SPATA9: variants seen among roughly 807,000 people sequenced by gnomAD.
SPATA9 encodes the protein spermatogenesis associated 9.
In SPATA9, 27 loss-of-function variants were observed where a neutral mutation model predicts 25.5. The ratio of observed to expected loss-of-function variants is 1.06; its 90% CI spans 0.78 to 1.46. The LOEUF (loss-of-function observed/expected upper bound fraction) is 1.46, where lower values mean the gene tolerates loss of function less well. Among genes scored for constraint, SPATA9 ranks in the 40% most tolerant of loss-of-function variants. The pLI, the probability that SPATA9 is intolerant of heterozygous loss-of-function variation, is 0.00. For synonymous variants in SPATA9, 102 were observed against 105.7 expected (o/e 0.97, Z 0.21); for missense variants, 282 against 297.5 (o/e 0.95, Z 0.38).
the SPATA9 span, among the ~76,000 whole-genome samples, chr5:95,708,051 T>C: frequency 6.7e-6 from 1 of 149,292 alleles, no homozygotes; most frequent in East Asian, 2.1e-4. Flanking sequence ...GTTAATAGTA[T>C]GATGAGGAGA....
the SPATA9 span, among the ~76,000 whole-genome samples, chr5:95,721,768 C>T: frequency 6.1e-5 from 9 of 146,662 alleles, no homozygotes; most frequent in African/African-American, 2.3e-4. Context: ...AGAGAGTAAT[C>T]AGCAGGAAAA....
chr5:95,703,927 G>A, the SPATA9 span, among the ~76,000 whole-genome samples: 2 of 151,972 alleles, frequency 1.3e-5, no homozygotes, highest in Non-Finnish European at 2.9e-5. Flanking sequence ...CAATAGAAAT[G>A]GACTTTTTCA....
intron 3 of SPATA9, chr5:95,670,800 T>C: frequency 2.1e-6 from 2 of 972,896 alleles, no homozygotes; most frequent in Non-Finnish European, 2.4e-6. Context: ...TCCATTGACC[T>C]CTGCCACATC....
chr5:95,652,848 C>G, downstream of SPATA9: 1 of 410,014 alleles, frequency 2.4e-6, no homozygotes, highest in Non-Finnish European at 4.3e-6. Flanking sequence ...GGACCCCTAG[C>G]TTTCTGATTT....
At chr5:95,653,394 TG>T (rs1178717784), downstream of SPATA9, among the ~76,000 whole-genome samples, 2 of 152,208 alleles carry the variant, frequency 1.3e-5, no homozygotes, top group African/African-American at 4.8e-5. Context: ...CTGAAAACAA[TG>T]CAGATAACTG....
chr5:95,653,147 T>A, exon 9 of SPATA9: 2 of 1,551,738 alleles, frequency 1.3e-6, no homozygotes, highest in South Asian at 1.2e-5. Context: ...GCTGTTGGCA[T>A]GTCTAGTTCA....
At chr5:95,675,080 TAAC>T (rs1315124962) in intron 3 of SPATA9, among the ~76,000 whole-genome samples, 5 of 152,178 alleles carry the variant, frequency 3.3e-5, no homozygotes, top group African/African-American at 1.2e-4. Context: ...CTTGGAAACA[TAAC>T]AAAGTTATGA....
chr5:95,690,581 A>C (rs1753855878), intron 1 of SPATA9, among the ~76,000 whole-genome samples: 2 of 152,214 alleles, frequency 1.3e-5, no homozygotes, highest in South Asian at 4.1e-4. Context: ...TGGAAGAATC[A>C]GGCCATCACC....
chr5:95,704,633 TA>T, the SPATA9 span, among the ~76,000 whole-genome samples: 1 of 152,132 alleles, frequency 6.6e-6, no homozygotes, highest in Non-Finnish European at 1.5e-5. Context: ...TATATTGCCT[TA>T]AAAATAAATA....
At chr5:95,721,662 A>G in the SPATA9 span, among the ~76,000 whole-genome samples, 1 of 151,770 alleles carries the variant, frequency 6.6e-6, no homozygotes, top group African/African-American at 2.4e-5. Context: ...AAGGAGCTCT[A>G]AAGAGGAATA....
At chr5:95,731,188 T>A in the SPATA9 span, 1 of 1,003,786 alleles carries the variant, frequency 1.0e-6, no homozygotes, top group Non-Finnish European at 1.2e-6. Flanking sequence ...CCACCGGAGC[T>A]CCCGGGGCCT....
chr5:95,719,098 T>C, the SPATA9 span, among the ~76,000 whole-genome samples: 2 of 152,080 alleles, frequency 1.3e-5, no homozygotes, highest in African/African-American at 4.8e-5. Flanking sequence ...ATTGAGATCA[T>C]AGAGAACATG....
chr5:95,731,138 C>T, the SPATA9 span: 4 of 1,017,092 alleles, frequency 3.9e-6, no homozygotes, highest in South Asian at 1.0e-4. Flanking sequence ...TTATATTCCG[C>T]GGCGCCCCGC....
chr5:95,694,552 C>G (rs984030379), intron 1 of SPATA9, among the ~76,000 whole-genome samples: 1 of 152,150 alleles, frequency 6.6e-6, no homozygotes, highest in African/African-American at 2.4e-5. Context: ...ACATTGCCAG[C>G]AAGTTGATGA....
chr5:95,670,367 A>G (rs1752254655), intron 3 of SPATA9: 1 of 152,184 alleles, frequency 6.6e-6, no homozygotes, highest in African/African-American at 2.4e-5. Flanking sequence ...CCTCACTGGT[A>G]TTCTCAGCCA....
At chr5:95,731,036 T>C in the SPATA9 span, 9 of 1,000,560 alleles carry the variant, frequency 9.0e-6, no homozygotes, top group Non-Finnish European at 1.0e-5. Flanking sequence ...CCCCCTTTCC[T>C]GGCTCTGGTT....
At chr5:95,676,214 C>G (rs1301333298) in intron 2 of SPATA9, among the ~76,000 whole-genome samples, 3 of 152,046 alleles carry the variant, frequency 2.0e-5, no homozygotes, top group African/African-American at 7.2e-5. Context: ...CATTTTCCTC[C>G]TAGATTTACA....
the SPATA9 span, among the ~76,000 whole-genome samples, chr5:95,725,980 T>C: frequency 2.0e-5 from 3 of 152,258 alleles, no homozygotes; most frequent in Non-Finnish European, 2.9e-5. Flanking sequence ...TTTTCTTTAG[T>C]GGATCACAAA....
chr5:95,673,125 G>A (rs1390121029), intron 3 of SPATA9, among the ~76,000 whole-genome samples: 1 of 151,984 alleles, frequency 6.6e-6, no homozygotes, highest in Non-Finnish European at 1.5e-5. Flanking sequence ...CTCTCCATCT[G>A]TATATCTTTT....
Sources: allele counts gnomAD v4.1 joint callset (sites outside exome capture counted in the v4.1 genomes callset), GRCh38; gene constraint gnomAD v4.1.1; transcripts MANE v1.5; gene names NCBI Gene and HGNC (gene_info 2026-07-23, HGNC 2026-07-21).